The following KCNAB1 variants were observed in gnomAD, a reference collection of about 807,000 sequenced individuals.
The protein encoded by KCNAB1 is potassium voltage-gated channel subfamily A regulatory beta subunit 1, also known as voltage-gated potassium channel subunit beta-1.
A neutral mutation model predicts 64.6 loss-of-function variants in KCNAB1; 35 were observed. That is an observed-to-expected ratio of 0.54 (90% CI 0.41 to 0.72). The LOEUF is 0.72. Among genes scored for constraint, KCNAB1 ranks in the 30% least tolerant of loss-of-function variants. The probability of loss-of-function intolerance (pLI) is 0.00; values close to 1 mark genes in which losing one functional copy is unlikely to be tolerated. For synonymous variants in KCNAB1, 177 were observed against 183.8 expected (o/e 0.96, Z 0.30); for missense variants, 401 against 512.9 (o/e 0.78, Z 2.11).
chr3:156,523,028 A>C (rs374323861), intron 11 of KCNAB1, among the ~76,000 whole-genome samples: 6 of 152,352 alleles, frequency 3.9e-5, no homozygotes, highest in East Asian at 3.8e-4. Context: ...GCCTTCTGGA[A>C]ACTAAGGCAT....
intron 1 of KCNAB1, among the ~76,000 whole-genome samples, chr3:156,286,738 G>A (rs535375231): frequency 6.6e-6 from 1 of 152,026 alleles, no homozygotes; most frequent in South Asian, 2.1e-4. Context: ...AAAATATCGG[G>A]GTTTCTTTTA....
chr3:156,282,788 C>T (rs1391417486), intron 1 of KCNAB1, among the ~76,000 whole-genome samples: 1 of 138,430 alleles, frequency 7.2e-6, no homozygotes, highest in East Asian at 2.3e-4. Context: ...AGGATTGCAA[C>T]CCCTGCCTTT....
chr3:156,319,357 C>T (rs1706656896), intron 1 of KCNAB1, among the ~76,000 whole-genome samples: 1 of 152,194 alleles, frequency 6.6e-6, no homozygotes, highest in Admixed American at 6.5e-5. Context: ...TCTGCATTGT[C>T]CTTACCCTGG....
At chr3:156,189,117 G>T (rs1295572398) in intron 1 of KCNAB1, among the ~76,000 whole-genome samples, 1 of 152,280 alleles carries the variant, frequency 6.6e-6, no homozygotes, top group African/African-American at 2.4e-5. Context: ...TGGTCTTCTT[G>T]TCCTATGACT....
At chr3:156,485,927 T>G (rs1715172301) in intron 8 of KCNAB1, among the ~76,000 whole-genome samples, 1 of 152,084 alleles carries the variant, frequency 6.6e-6, no homozygotes, top group Non-Finnish European at 1.5e-5. Context: ...ATTTCATTCT[T>G]TTTTCTGTCT....
chr3:156,283,097 C>CTGGTACTGGTTGTTCCTTTCCATGTTTAG (rs1719851641), intron 1 of KCNAB1, among the ~76,000 whole-genome samples: 1 of 151,986 alleles, frequency 6.6e-6, no homozygotes, highest in Non-Finnish European at 1.5e-5. Context: ...TTTGCAGCGG[C>CTGGTACTGGTTGTTCCTTTCCATGTTTAG]TGGTACTGGT....
chr3:156,470,495 G>T (rs1713804939), intron 7 of KCNAB1, among the ~76,000 whole-genome samples: 1 of 152,144 alleles, frequency 6.6e-6, no homozygotes, highest in Non-Finnish European at 1.5e-5. Flanking sequence ...TGTCTCTACA[G>T]AAAAAGTTAA....
chr3:156,536,414 G>A, intron 13 of KCNAB1: 2 of 415,036 alleles, frequency 4.8e-6, no homozygotes, highest in Admixed American at 4.1e-5. Flanking sequence ...CTGTTGGATA[G>A]AGCTGCTCTG....
chr3:156,249,580 G>GA (rs1240749018), intron 1 of KCNAB1, among the ~76,000 whole-genome samples: 172 of 149,062 alleles, frequency 1.2e-3, no homozygotes, highest in African/African-American at 3.7e-3. Flanking sequence ...AGAAAAAAAA[G>GA]AAAAAAAAAG....
chr3:156,180,691 T>C (rs369230029), intron 1 of KCNAB1, among the ~76,000 whole-genome samples: 7 of 152,268 alleles, frequency 4.6e-5, no homozygotes, highest in African/African-American at 1.7e-4. Context: ...ATGATGATGA[T>C]AGAGATGAGT....
At chr3:156,165,406 TTG>T (rs1234020180) in intron 1 of KCNAB1, among the ~76,000 whole-genome samples, 1 of 151,662 alleles carries the variant, frequency 6.6e-6, no homozygotes, top group Non-Finnish European at 1.5e-5. Context: ...GCCTGTGATA[TTG>T]TGTGTGGTCA....
At chr3:156,183,492 G>T (rs1318560298) in intron 1 of KCNAB1, among the ~76,000 whole-genome samples, 3 of 152,302 alleles carry the variant, frequency 2.0e-5, no homozygotes, top group African/African-American at 7.2e-5. Flanking sequence ...TATAAAACTG[G>T]CAGTGCATGG....
chr3:156,465,535 T>A, intron 6 of KCNAB1, 108 bp from the exon 7 acceptor site: 2 of 932,440 alleles, frequency 2.1e-6, no homozygotes, highest in South Asian at 1.4e-5. Flanking sequence ...TCCAGTGGTG[T>A]AGAATTTGAT....
chr3:156,189,376 C>T (rs981960682), intron 1 of KCNAB1, among the ~76,000 whole-genome samples: 1 of 152,208 alleles, frequency 6.6e-6, no homozygotes, highest in Non-Finnish European at 1.5e-5. Context: ...TGTGAGTAAG[C>T]AGCCACCCAC....
chr3:156,321,860 A>G (rs7641816), intron 1 of KCNAB1, among the ~76,000 whole-genome samples: 2,599 of 152,316 alleles, frequency 0.017, 66 homozygotes, highest in African/African-American at 0.06. Context: ...TAGAATTTAA[A>G]AGATAGATCT....
chr3:156,161,241 G>GGCCCC (rs1716058000), intron 1 of KCNAB1, among the ~76,000 whole-genome samples: 1 of 152,134 alleles, frequency 6.6e-6, no homozygotes. Context: ...GGGTAGGCCT[G>GGCCCC]GCCCCTGGGG....
intron 1 of KCNAB1, among the ~76,000 whole-genome samples, chr3:156,368,488 A>G (rs1726094427): frequency 6.6e-6 from 1 of 152,136 alleles, no homozygotes; most frequent in Admixed American, 6.6e-5. Context: ...GTGTAGGTGC[A>G]ATCATAGCTC....
At chr3:156,367,842 G>A (rs543781470) in intron 1 of KCNAB1, among the ~76,000 whole-genome samples, 2 of 152,138 alleles carry the variant, frequency 1.3e-5, no homozygotes, top group South Asian at 2.1e-4. Context: ...TTCTGAAATC[G>A]GAAGATATTT....
At chr3:156,243,688 T>C (rs1053000398) in intron 1 of KCNAB1, among the ~76,000 whole-genome samples, 8 of 152,238 alleles carry the variant, frequency 5.3e-5, no homozygotes, top group Non-Finnish European at 8.8e-5. Context: ...TTAGCACTAC[T>C]ACTTCTATTT....
Sources: allele counts gnomAD v4.1 joint callset (sites outside exome capture counted in the v4.1 genomes callset), GRCh38; gene constraint gnomAD v4.1.1; transcripts MANE v1.5; gene names NCBI Gene and HGNC (gene_info 2026-07-23, HGNC 2026-07-21).